MCC: variants seen among roughly 807,000 people sequenced by gnomAD.
MCC encodes colorectal mutant cancer protein.
A neutral mutation model predicts 116.2 loss-of-function variants in MCC; 90 were observed. That is an observed-to-expected ratio of 0.77 (90% confidence interval 0.65 to 0.92). The LOEUF is 0.92. Among genes scored for constraint, MCC ranks in the 40% least tolerant of loss-of-function variants. MCC has a pLI of 0.00. For missense variants in MCC, 1,516 were observed against 1,312.2 expected, an observed-to-expected ratio of 1.16 and a Z score of -2.40; for synonymous variants, 578 against 510.5, an observed-to-expected ratio of 1.13 and a Z score of -1.78.
intron 3 of MCC, among the ~76,000 whole-genome samples, chr5:113,333,003 G>A (rs376508927): frequency 6.6e-6 from 1 of 151,478 alleles, no homozygotes; most frequent in South Asian, 2.1e-4. Flanking sequence ...TCAATAAGAG[G>A]GAGAATAATA....
At chr5:113,070,893 T>G (rs1251335933) in intron 12 of MCC, among the ~76,000 whole-genome samples, 8 of 152,232 alleles carry the variant, frequency 5.3e-5, no homozygotes, top group Admixed American at 5.2e-4. Context: ...ATATTTAAGA[T>G]GAATATGCTA....
chr5:113,320,205 CTCTG>C (rs1767384407), intron 3 of MCC, among the ~76,000 whole-genome samples: 1 of 152,128 alleles, frequency 6.6e-6, no homozygotes, highest in South Asian at 2.1e-4. Flanking sequence ...ATAGCATGTA[CTCTG>C]TCTGCCCAGA....
chr5:113,204,874 A>C lies in MCC; in HGVS notation c.628-53452T>G, dbSNP rs563508017. On this transcript the variant is annotated intron_variant, in intron 3 of 18. Transcript: ENST00000408903. ...GTTTTGAAGTCTTACTTTTATATCC[A>C]TCCACTGATCAATGCAAATATGAAT... 5.3e-5 allele frequency among the ~76,000 whole-genome samples: 8 copies of C among 152,358 alleles called. No homozygotes were observed. The South Asian group carries it at 1.7e-3, about 32-fold the overall frequency.
At chr5:113,465,011 TA>T (rs1771855971) in intron 1 of MCC, among the ~76,000 whole-genome samples, 1 of 152,096 alleles carries the variant, frequency 6.6e-6, no homozygotes, top group African/African-American at 2.4e-5. Context: ...TACATCAATT[TA>T]GAAACGTATC....
chr5:113,170,152 G>C (rs1760997011), intron 3 of MCC, among the ~76,000 whole-genome samples: 3 of 152,204 alleles, frequency 2.0e-5, no homozygotes, highest in South Asian at 4.1e-4. Context: ...GGTCTTCATA[G>C]AAAGAAGCTT....
rs990571050 is a variant in MCC at position 113,160,685 on chromosome 5, G to C, written c.628-9263C>G. Among the ~76,000 whole-genome samples the C allele has an allele frequency of 1.1e-4, 16 of 152,314 alleles. No homozygotes were observed. The East Asian group carries it at 1.4e-3, about 13-fold the overall frequency. Reference sequence around the variant, plus strand: ...AACTGTTGAGAAGAAAGATCTCAGAGGGTTATTCTGTTAAGAGAAGAAAGC... The same window carrying C: ...AACTGTTGAGAAGAAAGATCTCAGACGGTTATTCTGTTAAGAGAAGAAAGC... On this transcript the variant is annotated intron_variant, in intron 3 of 18. Coordinates refer to ENST00000408903, the MANE Select transcript of MCC (RefSeq NM_001085377.2).
chr5:113,198,722 A>C (rs1473093969), intron 3 of MCC, among the ~76,000 whole-genome samples: 1 of 149,910 alleles, frequency 6.7e-6, no homozygotes, highest in African/African-American at 2.5e-5. Context: ...AAAAAAAAAA[A>C]GAATTAACAG....
chr5:113,108,229 A>G (rs1756862543), intron 6 of MCC, among the ~76,000 whole-genome samples: 1 of 145,748 alleles, frequency 6.9e-6, no homozygotes, highest in Admixed American at 7.0e-5. Context: ...CCTGTAATGG[A>G]GGCTGAGGCA....
chr5:113,409,872 A>C (rs1769932129), intron 1 of MCC, among the ~76,000 whole-genome samples: 3 of 152,212 alleles, frequency 2.0e-5, no homozygotes, highest in African/African-American at 7.2e-5. Flanking sequence ...AATAAAACAT[A>C]TGCTCACTAT....
At chr5:113,305,442 C>T (rs1221749873) in intron 3 of MCC, among the ~76,000 whole-genome samples, 1 of 152,192 alleles carries the variant, frequency 6.6e-6, no homozygotes, top group Admixed American at 6.5e-5. Context: ...CAGAATTTGT[C>T]ACCTTCCACC....
At chr5:113,143,465 T>C in intron 4 of MCC, 105 bp from the exon 5 acceptor site, 1 of 1,190,650 alleles carries the variant, frequency 8.4e-7, no homozygotes, top group Non-Finnish European at 1.2e-6. Context: ...CAACACTGAG[T>C]ATGCCCCAAA....
chr5:113,417,418 G>A (rs1327076276), intron 1 of MCC, among the ~76,000 whole-genome samples: 5 of 152,106 alleles, frequency 3.3e-5, no homozygotes, highest in South Asian at 2.1e-4. Context: ...CTTTCATTTC[G>A]GGAAATGCTG....
intron 3 of MCC, among the ~76,000 whole-genome samples, chr5:113,312,430 C>T (rs1767157960): frequency 6.6e-6 from 1 of 152,194 alleles, no homozygotes; most frequent in Non-Finnish European, 1.5e-5. Context: ...ATCTGGAAGA[C>T]ATGCAGAAGT....
At chr5:113,260,365 A>G (rs1363132451) in intron 3 of MCC, among the ~76,000 whole-genome samples, 3 of 152,184 alleles carry the variant, frequency 2.0e-5, no homozygotes, top group African/African-American at 7.2e-5. Context: ...AATCTCTTCA[A>G]TGTCCTGCTT....
intron 17 of MCC, among the ~76,000 whole-genome samples, chr5:113,036,661 C>A (rs1195316140): frequency 6.6e-6 from 1 of 152,232 alleles, no homozygotes; most frequent in Non-Finnish European, 1.5e-5. Flanking sequence ...GGAAATCCAT[C>A]TGGAGTTTTC....
At position 113,205,332 on chromosome 5, in the gene MCC, T is replaced by C. The variant is rs1047663610; in HGVS notation, c.628-53910A>G. 1.9e-4 allele frequency among the ~76,000 whole-genome samples: 29 copies of C among 152,320 alleles called. 1 individual carries two copies. The highest frequency in any genetic ancestry group is 1.6e-3 in the Admixed American group (24 of 15,310). ...TGAGCCTTAATTTCCTCAGCTTTAA[T>C]GAGAACACTACCTGCCCTGCTTGCT... On this transcript the variant is annotated intron_variant, in intron 3 of 18. Transcript: ENST00000408903.
At chr5:113,095,034 G>A (rs1036491492) in intron 8 of MCC, among the ~76,000 whole-genome samples, 1 of 152,148 alleles carries the variant, frequency 6.6e-6, no homozygotes, top group Admixed American at 6.5e-5. Flanking sequence ...ACTGGACTCA[G>A]GTCAAGGTAA....
chr5:113,037,627 G>C (rs1404875384), intron 17 of MCC, among the ~76,000 whole-genome samples: 1 of 152,178 alleles, frequency 6.6e-6, no homozygotes, highest in Non-Finnish European at 1.5e-5. Flanking sequence ...TGGGGAGGTT[G>C]AGTCTGCACA....
chr5:113,206,728 A>C (rs902290311), intron 3 of MCC, among the ~76,000 whole-genome samples: 2 of 152,192 alleles, frequency 1.3e-5, no homozygotes, highest in Non-Finnish European at 2.9e-5. Context: ...TAAAAATAAA[A>C]TTTTCAGGCA....
Sources: allele counts gnomAD v4.1 joint callset (sites outside exome capture counted in the v4.1 genomes callset), GRCh38; gene constraint gnomAD v4.1.1; transcripts MANE v1.5; gene names NCBI Gene and HGNC (gene_info 2026-07-23, HGNC 2026-07-21).